Variants in PRR16 observed in about 807,000 individuals in gnomAD.
The protein encoded by PRR16 is protein Largen.
Under a neutral mutation model 18.2 loss-of-function variants are expected in PRR16, and 6 were observed. The observed-to-expected ratio is 0.33, with a 90% CI of 0.18 to 0.65. The LOEUF is 0.65. Among genes scored for constraint, PRR16 ranks in the 30% least tolerant of loss-of-function variants. The pLI, the probability that PRR16 is intolerant of heterozygous loss-of-function variation, is 0.74. For synonymous variants in PRR16, 151 were observed against 147.8 expected (o/e 1.02, Z -0.16); for missense variants, 412 against 376.6 (o/e 1.09, Z -0.78).
the PRR16 span, among the ~76,000 whole-genome samples, chr5:120,738,825 A>G: frequency 1.3e-5 from 2 of 152,260 alleles, no homozygotes; most frequent in South Asian, 2.1e-4. Context: ...CTATTTAGCA[A>G]ATAGCAGTGA....
chr5:120,716,739 G>C, the PRR16 span, among the ~76,000 whole-genome samples: 2 of 152,126 alleles, frequency 1.3e-5, no homozygotes, highest in Non-Finnish European at 2.9e-5. Context: ...GGGTGTGGTG[G>C]CGGGCGCTTA....
chr5:120,631,032 G>A (rs1450568879), intron 1 of PRR16, among the ~76,000 whole-genome samples: 1 of 152,082 alleles, frequency 6.6e-6, no homozygotes, highest in African/African-American at 2.4e-5. Flanking sequence ...GATTTTTAAT[G>A]TTTGTAATCA....
downstream of PRR16, among the ~76,000 whole-genome samples, chr5:120,689,910 T>G (rs2150158589): frequency 6.6e-6 from 1 of 152,232 alleles, no homozygotes; most frequent in East Asian, 1.9e-4. Context: ...AACACATTTT[T>G]AAGGTCATGC....
intron 1 of PRR16, among the ~76,000 whole-genome samples, chr5:120,581,534 T>A (rs1753272821): frequency 6.6e-6 from 1 of 152,154 alleles, no homozygotes; most frequent in South Asian, 2.1e-4. Flanking sequence ...TCTTCTCTGA[T>A]CTTAGTTATT....
intron 1 of PRR16, among the ~76,000 whole-genome samples, chr5:120,469,993 T>G (rs570903131): frequency 6.6e-6 from 1 of 152,258 alleles, no homozygotes; most frequent in Admixed American, 6.5e-5. Flanking sequence ...GTGTAATAGG[T>G]TTCATTATTA....
chr5:120,480,524 T>A (rs1749577097), intron 1 of PRR16, among the ~76,000 whole-genome samples: 1 of 152,210 alleles, frequency 6.6e-6, no homozygotes, highest in Admixed American at 6.5e-5. Flanking sequence ...AGTGAAGTCA[T>A]ACTTAGTATA....
chr5:120,696,178 G>T, the PRR16 span, among the ~76,000 whole-genome samples: 11 of 152,232 alleles, frequency 7.2e-5, no homozygotes, highest in South Asian at 2.3e-3. Flanking sequence ...GGAGGTGGAG[G>T]TTGCAGTGAG....
chr5:120,671,352 T>A (rs922417099), intron 1 of PRR16, among the ~76,000 whole-genome samples: 1 of 152,152 alleles, frequency 6.6e-6, no homozygotes, highest in Non-Finnish European at 1.5e-5. Flanking sequence ...AGTTTTATCA[T>A]CTCAAGCTAG....
At chr5:120,602,343 T>C (rs1360483357) in intron 1 of PRR16, among the ~76,000 whole-genome samples, 1 of 152,112 alleles carries the variant, frequency 6.6e-6, no homozygotes. Context: ...GGGATTGCCT[T>C]CTTGATTTGG....
In PRR16 at chr5:120,492,312, G is replaced by A. The variant is rs1750086376; in HGVS notation, c.159+27667G>A. 2.0e-5 allele frequency among the ~76,000 whole-genome samples: 3 copies of A among 148,388 alleles called. No homozygotes were observed. In the South Asian group the frequency reaches 6.4e-4, roughly 31 times the overall value. ...TGTGTGTGTGTGTGGAGAGACACAA[G>A]GTCTCCTTATTTTTTCTAGGCTGGT... On this transcript the variant is annotated intron_variant, in intron 1 of 1. Transcript: ENST00000407149.
intron 1 of PRR16, among the ~76,000 whole-genome samples, chr5:120,482,087 A>T (rs1749636896): frequency 6.6e-6 from 1 of 152,202 alleles, no homozygotes; most frequent in African/African-American, 2.4e-5. Flanking sequence ...TTTTTAAAAA[A>T]TGAGCTTATT....
chr5:120,517,559 GA>G (rs1477718213), intron 1 of PRR16, among the ~76,000 whole-genome samples: 2 of 152,100 alleles, frequency 1.3e-5, no homozygotes, highest in African/African-American at 4.8e-5. Context: ...ATTTGATGTT[GA>G]TAAAAATGTC....
chr5:120,757,791 T>C, the PRR16 span, among the ~76,000 whole-genome samples: 1 of 151,558 alleles, frequency 6.6e-6, no homozygotes, highest in Non-Finnish European at 1.5e-5. Context: ...TGCTTTTATT[T>C]TGAGAAATTG....
intron 1 of PRR16, among the ~76,000 whole-genome samples, chr5:120,632,286 A>G (rs1755083435): frequency 6.6e-6 from 1 of 152,172 alleles, no homozygotes; most frequent in Non-Finnish European, 1.5e-5. Context: ...AAAGAACCAG[A>G]AAAATAATTC....
chr5:120,779,925 C>G, the PRR16 span, among the ~76,000 whole-genome samples: 26 of 152,174 alleles, frequency 1.7e-4, 1 homozygote, highest in Admixed American at 2.0e-4. Flanking sequence ...GTTCAGCATT[C>G]CTGTGGAGTG....
the PRR16 span, among the ~76,000 whole-genome samples, chr5:120,776,504 C>G: frequency 5.9e-5 from 9 of 152,208 alleles, no homozygotes; most frequent in Admixed American, 4.6e-4. Context: ...TCAATATGAG[C>G]TCTAAACATT....
chr5:120,675,197 G>A (rs1308492861), intron 1 of PRR16, among the ~76,000 whole-genome samples: 1 of 152,138 alleles, frequency 6.6e-6, no homozygotes, highest in Non-Finnish European at 1.5e-5. Context: ...GCAAATGGCT[G>A]GATGCTGTGA....
chr5:120,591,453 G>A (rs1034308147), intron 1 of PRR16, among the ~76,000 whole-genome samples: 8 of 151,376 alleles, frequency 5.3e-5, no homozygotes, highest in African/African-American at 1.9e-4. Context: ...TTTTATAAAG[G>A]GATATAATCC....
the PRR16 span, among the ~76,000 whole-genome samples, chr5:120,723,687 A>G: frequency 6.6e-6 from 1 of 151,828 alleles, no homozygotes; most frequent in Non-Finnish European, 1.5e-5. Context: ...TATTGCAATT[A>G]CTCCAGACTA....
Sources: allele counts gnomAD v4.1 joint callset (sites outside exome capture counted in the v4.1 genomes callset), GRCh38; gene constraint gnomAD v4.1.1; transcripts MANE v1.5; gene names NCBI Gene and HGNC (gene_info 2026-07-23, HGNC 2026-07-21).